LRIF1: variants seen among roughly 807,000 people sequenced by gnomAD.
LRIF1 encodes ligand dependent nuclear receptor interacting factor 1.
In LRIF1, 32 loss-of-function variants were observed where a neutral mutation model predicts 52.7. The observed-to-expected ratio is 0.61, with a 90% CI of 0.46 to 0.82. The LOEUF (loss-of-function observed/expected upper bound fraction) is 0.82. Ranked by LOEUF, LRIF1 falls within the 40% of genes least tolerant of loss-of-function variation. The probability of loss-of-function intolerance (pLI) is 0.00; values close to 1 mark genes in which losing one functional copy is unlikely to be tolerated. For synonymous variants in LRIF1, 323 were observed against 317.4 expected, an observed-to-expected ratio of 1.02 and a Z score of -0.19; for missense variants, 887 against 892.0, an observed-to-expected ratio of 0.99 and a Z score of 0.07.
chr1:110,877,263 G>C, the LRIF1 span, among the ~76,000 whole-genome samples: 1 of 152,148 alleles, frequency 6.6e-6, no homozygotes, highest in East Asian at 1.9e-4. Context: ...CTCATGATTA[G>C]ATTCAGGTTA....
intron 1 of LRIF1, among the ~76,000 whole-genome samples, chr1:110,956,725 T>C (rs143411428): frequency 1.2e-4 from 18 of 152,268 alleles, no homozygotes; most frequent in African/African-American, 4.3e-4. Context: ...AGATTATCCA[T>C]ACGGATATTG....
chr1:110,907,896 A>G, the LRIF1 span, among the ~76,000 whole-genome samples: 12 of 152,216 alleles, frequency 7.9e-5, no homozygotes, highest in Non-Finnish European at 1.6e-4. Context: ...TTTTGTTTCA[A>G]CAGAGTTGAA....
chr1:110,898,138 G>C, the LRIF1 span, among the ~76,000 whole-genome samples: 6 of 152,136 alleles, frequency 3.9e-5, no homozygotes, highest in Non-Finnish European at 7.4e-5. Flanking sequence ...AGCACTTTGG[G>C]AGGCTGAGGC....
At chr1:110,953,548 A>G (rs1658569778) in intron 1 of LRIF1, among the ~76,000 whole-genome samples, 1 of 152,182 alleles carries the variant, frequency 6.6e-6, no homozygotes, top group Non-Finnish European at 1.5e-5. Context: ...CAGACTGGAA[A>G]TCAATTTTTT....
chr1:110,962,096 A>ACAC (rs1553212108), intron 1 of LRIF1, among the ~76,000 whole-genome samples: 54 of 151,562 alleles, frequency 3.6e-4, no homozygotes, highest in Non-Finnish European at 6.0e-4. Flanking sequence ...ACACACACAC[A>ACAC]AAGTAAAGTT....
the LRIF1 span, among the ~76,000 whole-genome samples, chr1:110,894,638 A>C: frequency 6.6e-6 from 1 of 152,144 alleles, no homozygotes; most frequent in Non-Finnish European, 1.5e-5. Context: ...CTCTTCCTCT[A>C]CTTGCTTTCC....
At chr1:110,933,288 C>T in the LRIF1 span, among the ~76,000 whole-genome samples, 8,749 of 152,158 alleles carry the variant, frequency 0.057, 289 homozygotes, top group East Asian at 0.13. Flanking sequence ...GCAGAATAGA[C>T]GGCTCCACCA....
the LRIF1 span, among the ~76,000 whole-genome samples, chr1:110,877,517 C>T: frequency 3.3e-5 from 5 of 152,176 alleles, 1 homozygote; most frequent in Admixed American, 6.5e-5. Flanking sequence ...TTAGAAGAGT[C>T]CCTGTCCCAC....
At chr1:110,876,440 T>C in the LRIF1 span, among the ~76,000 whole-genome samples, 1 of 152,226 alleles carries the variant, frequency 6.6e-6, no homozygotes, top group Non-Finnish European at 1.5e-5. Context: ...TAAGCTACTA[T>C]GCTAGCAAAC....
the LRIF1 span, among the ~76,000 whole-genome samples, chr1:110,894,652 G>T: frequency 6.6e-6 from 1 of 152,190 alleles, no homozygotes; most frequent in Non-Finnish European, 1.5e-5. Context: ...GCTTTCCTCT[G>T]TGTGTTTGGC....
At chr1:110,942,964 A>G (rs1658124846), downstream of LRIF1, among the ~76,000 whole-genome samples, 1 of 152,176 alleles carries the variant, frequency 6.6e-6, no homozygotes. Context: ...TAAGAGACAT[A>G]AAAAGATTGA....
chr1:110,877,029 G>A, the LRIF1 span, among the ~76,000 whole-genome samples: 1 of 152,106 alleles, frequency 6.6e-6, no homozygotes, highest in Non-Finnish European at 1.5e-5. Flanking sequence ...TAACACTTAT[G>A]CAATATAATT....
At chr1:110,946,651 CTTTTTTT>C (rs1197301792), downstream of LRIF1, among the ~76,000 whole-genome samples, 2 of 80,858 alleles carry the variant, frequency 2.5e-5, no homozygotes, top group Non-Finnish European at 2.3e-5. Context: ...AGATTTGATC[CTTTTTTT>C]TTTTTTTTTT....
chr1:110,947,043 G>T, downstream of LRIF1: 1 of 152,648 alleles, frequency 6.6e-6, no homozygotes, highest in South Asian at 2.1e-4. Context: ...TCAAACTCCT[G>T]GGCTCAAGCA....
At chr1:110,918,958 T>G in the LRIF1 span, among the ~76,000 whole-genome samples, 1 of 152,140 alleles carries the variant, frequency 6.6e-6, no homozygotes, top group East Asian at 1.9e-4. Flanking sequence ...ACATAAGAAG[T>G]GGGGGCCACG....
the LRIF1 span, among the ~76,000 whole-genome samples, chr1:110,920,919 G>A: frequency 1.3e-5 from 2 of 152,208 alleles, no homozygotes; most frequent in South Asian, 2.1e-4. Flanking sequence ...GAGAATTTAC[G>A]ACCAGCAAAA....
intron 1 of LRIF1, among the ~76,000 whole-genome samples, chr1:110,959,951 T>G (rs2101122853): frequency 6.6e-6 from 1 of 152,162 alleles, no homozygotes; most frequent in Admixed American, 6.5e-5. Flanking sequence ...AGGAAATCCT[T>G]TTCTTACTAT....
chr1:110,891,540 T>TAGAG, the LRIF1 span: 1 of 1,207,688 alleles, frequency 8.3e-7, no homozygotes, highest in Non-Finnish European at 1.2e-6. Context: ...ATTCCTCTAC[T>TAGAG]GAAGAGGCTG....
At chr1:110,885,826 T>A in the LRIF1 span, among the ~76,000 whole-genome samples, 1 of 152,070 alleles carries the variant, frequency 6.6e-6, no homozygotes, top group Non-Finnish European at 1.5e-5. Flanking sequence ...ATCACACCAC[T>A]GCACTCCAGC....
Sources: gnomAD v4.1 joint callset for allele counts (sites outside exome capture counted in the v4.1 genomes callset) on GRCh38, gnomAD v4.1.1 for gene constraint, MANE v1.5 for transcripts, NCBI Gene and HGNC (gene_info 2026-07-23, HGNC 2026-07-21) for gene names.